Variants in GABBR1 observed in about 807,000 individuals in gnomAD.
GABBR1 encodes gamma-aminobutyric acid type B receptor subunit 1.
Under a neutral mutation model 117.7 loss-of-function variants are expected in GABBR1, and 35 were observed. The ratio of observed to expected loss-of-function variants is 0.30; its 90% confidence interval spans 0.23 to 0.39. The LOEUF (loss-of-function observed/expected upper bound fraction) is 0.39, where lower values mean the gene tolerates loss of function less well. Among genes scored for constraint, GABBR1 ranks in the 10% least tolerant of loss-of-function variants. The pLI, the probability that GABBR1 is intolerant of heterozygous loss-of-function variation, is 1.00. For synonymous variants in GABBR1, 442 were observed against 486.6 expected (o/e 0.91, Z 1.21); for missense variants, 709 against 1,241.8 (o/e 0.57, Z 6.45).
At position 29,627,463 on chromosome 6, in the gene GABBR1, C is replaced by CCCCCCCCCCTGT; in HGVS notation, c.657+22_657+23insACAGGGGGGGGG. 3 of 1,518,562 alleles carry CCCCCCCCCCTGT rather than the reference C, an allele frequency of 2.0e-6. No homozygotes were observed. The highest frequency in any genetic ancestry group is 1.2e-5 in the South Asian group (1 of 83,784). The allele number at this position is 1,518,562 out of a possible 1,614,324, so 94.1% of individuals were successfully genotyped here. A position where few individuals can be genotyped will look rare whatever the true frequency, so the allele number is the denominator to read the frequency against. On this transcript the variant is annotated intron_variant, in intron 6 of 22. Transcript: ENST00000377034. This position sits in a 1 kb window ranked among gnomAD's most constrained non-coding sequence, Gnocchi z 4.4. ...CTGCCCCGCAAGCCCCCACCTCCCA[C>CCCCCCCCCCTGT]CCACCCCCATGTCCAGGGCTACCTT... is the stretch of plus-strand genomic sequence containing the variant.
Position 29,627,521 on chromosome 6 carries a change from C to G in GABBR1, c.622G>C (p.Asp208His). ...TGGTGGATGAGCTTGAGCTCATAGT[C>G]CGGCAGGATGTCCCTGCGGCTATTC... is the stretch of plus-strand genomic sequence containing the variant. Reference protein sequence around the residue: ...DVNSRRDILPDYELKLIHHDS... With the variant: ...DVNSRRDILPHYELKLIHHDS... The change falls in exon 6 of 23, where the codon GAC (aspartate) becomes CAC (histidine). Residue 208 changes from aspartate (D) to histidine (H), a missense_variant. This residue lies in a region of GABBR1 where 192 missense variants were observed against 418.4 expected (regional missense o/e 0.46). Transcript: ENST00000377034. This position sits in a 1 kb window ranked among gnomAD's most constrained non-coding sequence, Gnocchi z 4.4. The G allele has an allele frequency of 7.0e-7, 1 of 1,436,800 alleles. No individual in the cohort carries two copies. Among genetic ancestry groups the G allele is most frequent in the Non-Finnish European group, 9.3e-7 (1 of 1,071,604 alleles). The allele number at this position is 1,436,800 out of a possible 1,614,324, so 89.0% of individuals were successfully genotyped here.
rs141207827 is a variant in GABBR1, at chr6:29,603,565, C to T, written c.2864G>A (p.Arg955Gln). The T allele has an allele frequency of 2.3e-4, 370 of 1,587,046 alleles. No individual in the cohort carries two copies. The highest frequency in any genetic ancestry group is 6.7e-4 in the Middle Eastern group (4 of 5,972). The change falls in exon 23 of 23, where the codon CGA (arginine) becomes CAA (glutamine). Residue 955 changes from arginine (R) to glutamine (Q), a missense_variant. Around this residue, in one of 9 missense-constraint regions of GABBR1, gnomAD observed 69 missense variants for 64.3 expected, o/e 1.07. Transcript: ENST00000377034. ...CCCTCACTTATAAAGCAAATGCACTCGACTCCCATCACAGCTAAGCCGGTC... is the reference window on the plus strand; with the variant it reads ...CCCTCACTTATAAAGCAAATGCACTTGACTCCCATCACAGCTAAGCCGGTC... ...PPDRLSCDGS[R>Q]VHLLYK
Position 29,631,325 on chromosome 6 carries a change from G to A in GABBR1, c.289+71C>T, listed in dbSNP as rs29243. On this transcript the variant is annotated intron_variant, in intron 3 of 22. Coordinates refer to ENST00000377034, the MANE Select transcript of GABBR1 (RefSeq NM_001470.4). This position sits in a 1 kb window ranked among gnomAD's most constrained non-coding sequence, Gnocchi z 5.9. The stretch of plus-strand genomic sequence containing the variant: ...CTGGATTTAAAGTGCTGACTTGCAA[G>A]CAGTAATGCTAAGTTTGCGGCAGGA... 0.021 allele frequency: 29,966 copies of A among 1,426,070 alleles called. 845 individuals are homozygous for A. Among genetic ancestry groups the A allele is most frequent in the East Asian group, 0.095 (4,148 of 43,712 alleles). 88.3% of individuals were successfully genotyped at this position (1,426,070 alleles called of 1,614,324 possible). A position where few individuals can be genotyped will look rare whatever the true frequency, so the allele number is the denominator to read the frequency against.
Position 29,630,551 on chromosome 6 carries a change from C to T in GABBR1, c.382G>A (p.Asp128Asn), listed in dbSNP as rs1764851105. Residue 128 changes from aspartate (D) to asparagine (N), a missense_variant, in exon 4 of 23, where the codon GAT becomes AAT. Asp to Asn is a conservative substitution (Grantham distance 23, BLOSUM62 1). Coordinates refer to ENST00000377034, the MANE Select transcript of GABBR1 (RefSeq NM_001470.4). The surrounding 1 kb of genome is among the most constrained non-coding windows in gnomAD (Gnocchi z 4.9). ...TGGAAGTCGGGGTCACACCGGAAAT[C>T]CACCCGGGCTCCGTCCAGAGCTGGG... ...DLPALDGARVDFRCDPDFHLV... is the reference protein window; with the variant it reads ...DLPALDGARVNFRCDPDFHLV... The T allele has an allele frequency of 6.2e-7, 1 of 1,613,104 alleles. No individual in the cohort carries two copies. Among genetic ancestry groups the T allele is most frequent in the Non-Finnish European group, 8.5e-7 (1 of 1,180,038 alleles).
chr6:29,623,253 GT>G lies in GABBR1; in HGVS notation c.963+51del. Reference sequence around the variant, plus strand: ...AGTGACTCTCACGTCACATCTCCTGGTGCTGGAATTTGAGCTTATGTCCCTT... The same window carrying G: ...AGTGACTCTCACGTCACATCTCCTGGGCTGGAATTTGAGCTTATGTCCCTT... On this transcript the variant is annotated intron_variant, in intron 8 of 22. Coordinates refer to ENST00000377034, the MANE Select transcript of GABBR1 (RefSeq NM_001470.4). This position sits in a 1 kb window ranked among gnomAD's most constrained non-coding sequence, Gnocchi z 6.2. 6.6e-7 allele frequency: 1 copy of G among 1,526,336 alleles called. No individual in the cohort carries two copies. Among genetic ancestry groups the G allele is most frequent in the Non-Finnish European group, 9.0e-7 (1 of 1,115,590 alleles). 94.5% of individuals were successfully genotyped at this position (1,526,336 alleles called of 1,614,324 possible).
chr6:29,622,377 CTGGTCTTAGGATG>C lies in GABBR1; in HGVS notation c.964-185_964-173del, dbSNP rs1312259126. 2 of 613,610 alleles carry C rather than the reference CTGGTCTTAGGATG, an allele frequency of 3.3e-6. No homozygotes were observed. The highest frequency in any genetic ancestry group is 5.5e-5 in the East Asian group (2 of 36,388). 38.0% of individuals were successfully genotyped at this position (613,610 alleles called of 1,614,324 possible). ...TGAAGTGAGGAGTTCGGGAAGGCAT[CTGGTCTTAGGATG>C]TGGATTCCAAGTGGGAAGGTGAATG... is the stretch of plus-strand genomic sequence containing the variant. On this transcript the variant is annotated intron_variant, in intron 8 of 22. Transcript: ENST00000377034. The surrounding 1 kb of genome is among the most constrained non-coding windows in gnomAD (Gnocchi z 4.6).
Position 29,627,558 on chromosome 6 carries a change from C to G in GABBR1, c.585G>C (p.Ala195=). The G allele has an allele frequency of 1.3e-6, 2 of 1,593,172 alleles. No homozygotes were observed. Residue 195 remains alanine, a synonymous_variant, in exon 6 of 23, where the codon GCG becomes GCC. Transcript: ENST00000377034. This position sits in a 1 kb window ranked among gnomAD's most constrained non-coding sequence, Gnocchi z 4.4. ...GQACQPAVEM[A]LEDVNSRRDI... Reference sequence around the variant, plus strand: ...CCCTGCGGCTATTCACGTCCTCCAGCGCCATCTCCACCGCGGGCTGGCAGG... The same window carrying G: ...CCCTGCGGCTATTCACGTCCTCCAGGGCCATCTCCACCGCGGGCTGGCAGG...
At position 29,612,633 on chromosome 6, in the gene GABBR1, G is replaced by A; in HGVS notation, c.1567-19C>T. On this transcript the variant is annotated intron_variant, in intron 12 of 22. Coordinates refer to ENST00000377034, the MANE Select transcript of GABBR1 (RefSeq NM_001470.4). ...CATGGCCCTGAGGGAAGGAACATGT[G>A]GAGCAAGGCAAAGGAGACAAAAGCA... 1 of 1,611,522 alleles carries A rather than the reference G, an allele frequency of 6.2e-7. No homozygotes were observed. The highest frequency in any genetic ancestry group is 1.1e-5 in the South Asian group (1 of 91,040).
chr6:29,612,648 A>G lies in GABBR1; in HGVS notation c.1567-34T>C, dbSNP rs765870652. 11 of 1,578,616 alleles carry G rather than the reference A, an allele frequency of 7.0e-6. No individual in the cohort carries two copies. In the African/African-American group the frequency reaches 1.5e-4, roughly 21 times the overall value. ...AGGAACATGTGGAGCAAGGCAAAGGAGACAAAAGCAAGAGTGAAAGAGAAC... is the reference window on the plus strand; with the variant it reads ...AGGAACATGTGGAGCAAGGCAAAGGGGACAAAAGCAAGAGTGAAAGAGAAC... On this transcript the variant is annotated intron_variant, in intron 12 of 22. Transcript: ENST00000377034.
intron 11 of GABBR1, among the ~76,000 whole-genome samples, chr6:29,618,849 T>C (rs1386897568): frequency 1.3e-5 from 2 of 152,192 alleles, no homozygotes; most frequent in Admixed American, 6.5e-5. Context: ...TTTAGAATCA[T>C]CTTTGGCTTC....
intron 11 of GABBR1, among the ~76,000 whole-genome samples, chr6:29,619,101 G>A (rs1441354124): frequency 3.3e-5 from 5 of 152,234 alleles, no homozygotes; most frequent in African/African-American, 9.6e-5. Flanking sequence ...TCCAGGGGAA[G>A]GGCCTGATAA....
At chr6:29,624,707 C>A (rs1764097906) in intron 6 of GABBR1, among the ~76,000 whole-genome samples, 1 of 151,978 alleles carries the variant, frequency 6.6e-6, no homozygotes, top group South Asian at 2.1e-4. Flanking sequence ...GAATGGAACT[C>A]TCAAGAAACC....
chr6:29,625,376 G>A (rs1434958811), intron 6 of GABBR1, among the ~76,000 whole-genome samples: 1 of 152,150 alleles, frequency 6.6e-6, no homozygotes, highest in Non-Finnish European at 1.5e-5. Context: ...TAGGAACAAT[G>A]AGGACATACA....
In GABBR1 at chr6:29,622,124, C is replaced by T; in HGVS notation, c.1045G>A (p.Val349Met). 6.2e-7 allele frequency: 1 copy of T among 1,614,114 alleles called. No homozygotes were observed. ...FRQSFFSDPA[V>M]PVKNLKRQDA... ...CTGACCTTCAGGTTTTTGACGGGCA[C>T]AGCTGGATCTGAGAAGAAACTCTGG... is the stretch of plus-strand genomic sequence containing the variant. The change falls in exon 9 of 23, where the codon GTG becomes ATG. Residue 349 changes from valine to methionine, a missense_variant. Physicochemically the swap from Val to Met is conservative, Grantham distance 21. This residue lies in a region of GABBR1 where 192 missense variants were observed against 418.4 expected (regional missense o/e 0.46). Transcript: ENST00000377034. The surrounding 1 kb of genome is among the most constrained non-coding windows in gnomAD (Gnocchi z 4.6).
In GABBR1 at chr6:29,602,976, G is replaced by A. The variant is rs183903568; in HGVS notation, c.*567C>T. 5.3e-4 allele frequency: 242 copies of A among 456,708 alleles called. 2 individuals carry two copies. The highest frequency in any genetic ancestry group is 3.7e-3 in the East Asian group (53 of 14,396). 28.3% of individuals were successfully genotyped at this position (456,708 alleles called of 1,614,324 possible). A position where few individuals can be genotyped will look rare whatever the true frequency, so the allele number is the denominator to read the frequency against. ...TGTGTGCTGAGCGTGAGTGCACAGA[G>A]CAGAGGCAAGGAGCATGTGAGCCTT... On this transcript the variant is annotated 3_prime_UTR_variant, in exon 23 of 23. Transcript: ENST00000377034.
Position 29,603,214 on chromosome 6 carries a change from G to T in GABBR1, c.*329C>A. The T allele has an allele frequency of 1.8e-6, 1 of 540,788 alleles. No individual in the cohort carries two copies. The highest frequency in any genetic ancestry group is 3.6e-6 in the Non-Finnish European group (1 of 280,952). 33.5% of individuals were successfully genotyped at this position (540,788 alleles called of 1,614,324 possible). A position where few individuals can be genotyped will look rare whatever the true frequency, so the allele number is the denominator to read the frequency against. ...GCAGGGGTTGCCGTGGTAACTAGAA[G>T]AGGGTGTTGCATGGGAAGAGAAAGA... On this transcript the variant is annotated 3_prime_UTR_variant, in exon 23 of 23. Coordinates refer to ENST00000377034, the MANE Select transcript of GABBR1 (RefSeq NM_001470.4).
Position 29,609,088 on chromosome 6 carries a change from T to C in GABBR1, c.1859+141A>G. On this transcript the variant is annotated intron_variant, in intron 15 of 22. Coordinates refer to ENST00000377034, the MANE Select transcript of GABBR1 (RefSeq NM_001470.4). The surrounding 1 kb of genome is among the most constrained non-coding windows in gnomAD (Gnocchi z 4.3). ...GTGGGGGTTATATCTGGTTTCCCTG[T>C]TTTCATTCTCAACAAGTCAGAATGA... 1 of 842,664 alleles carries C rather than the reference T, an allele frequency of 1.2e-6. No individual in the cohort carries two copies. Among genetic ancestry groups the C allele is most frequent in the Non-Finnish European group, 1.8e-6 (1 of 547,328 alleles). The allele number at this position is 842,664 out of a possible 1,614,324, so 52.2% of individuals were successfully genotyped here.
Position 29,630,091 on chromosome 6 carries a change from A to G in GABBR1, c.475+367T>C, listed in dbSNP as rs1385291167. ...TAAGGAATGGTGAGGGATGAATTCTAGAAGAGGGTGATGCATGGAAATTTC... is the reference window on the plus strand; with the variant it reads ...TAAGGAATGGTGAGGGATGAATTCTGGAAGAGGGTGATGCATGGAAATTTC... On this transcript the variant is annotated intron_variant, in intron 4 of 22. Coordinates refer to ENST00000377034, the MANE Select transcript of GABBR1 (RefSeq NM_001470.4). The surrounding 1 kb of genome is among the most constrained non-coding windows in gnomAD (Gnocchi z 4.9). The G allele has an allele frequency of 1.8e-5, 4 of 222,340 alleles. No homozygotes were observed. The highest frequency in any genetic ancestry group is 2.6e-5 in the Non-Finnish European group (3 of 113,960). 13.8% of individuals were successfully genotyped at this position (222,340 alleles called of 1,614,324 possible). A position where few individuals can be genotyped will look rare whatever the true frequency, so the allele number is the denominator to read the frequency against.
chr6:29,603,810 G>A, intron 22 of GABBR1, 94 bp from the exon 23 acceptor site: 1 of 969,716 alleles, frequency 1.0e-6, no homozygotes, highest in Non-Finnish European at 1.4e-6. Flanking sequence ...GGGAAAGAGA[G>A]GAAGGGCACA....
Sources: allele counts gnomAD v4.1 joint callset (sites outside exome capture counted in the v4.1 genomes callset), GRCh38; gene constraint gnomAD v4.1.1; regional missense constraint gnomAD v4.1.1; non-coding constraint Gnocchi (gnomAD v3.1); transcripts MANE v1.5; gene names NCBI Gene and HGNC (gene_info 2026-07-23, HGNC 2026-07-21).